Variants in ST8SIA3 observed in about 807,000 individuals in gnomAD.
ST8SIA3 encodes alpha-N-acetylneuraminate alpha-2,8-sialyltransferase ST8SIA3.
Under a neutral mutation model 34.5 loss-of-function variants are expected in ST8SIA3, and 17 were observed. The ratio of observed to expected loss-of-function variants is 0.49; its 90% CI spans 0.34 to 0.74. ST8SIA3 has a LOEUF of 0.74. ST8SIA3 is among the 30% of genes least tolerant of loss of function. The pLI is 0.01. For missense variants in ST8SIA3, 354 were observed against 467.8 expected (o/e 0.76, Z 2.24); for synonymous variants, 172 against 176.1 (o/e 0.98, Z 0.19).
chr18:57,353,042 G>A lies in ST8SIA3; in HGVS notation c.179+17G>A. ...GGGATTCCGGTGAGTGCGGGCCTCT[G>A]TGTTAGTGCCCTCGGGAATTTGGTT... is the stretch of plus-strand genomic sequence containing the variant. On this transcript the variant is annotated intron_variant, in intron 1 of 3. Transcript: ENST00000324000. The A allele has an allele frequency of 6.3e-7, 1 of 1,599,382 alleles. No individual in the cohort carries two copies. The highest frequency in any genetic ancestry group is 8.5e-7 in the Non-Finnish European group (1 of 1,176,572).
chr18:57,353,283 T>C (rs1361001471), intron 1 of ST8SIA3, among the ~76,000 whole-genome samples: 1 of 152,072 alleles, frequency 6.6e-6, no homozygotes, highest in East Asian at 1.9e-4. Context: ...CCTTCCCTCA[T>C]TTCAGAAATG....
chr18:57,360,632 T>C lies in ST8SIA3; in HGVS notation c.*355T>C. ...TGCAGCTCTGCTCAGATAGTCCTCA[T>C]AATCAGAGGCCTCTGGCCAACTGGG... On this transcript the variant is annotated 3_prime_UTR_variant, in exon 4 of 4. Coordinates refer to ENST00000324000, the MANE Select transcript of ST8SIA3 (RefSeq NM_015879.3). 2 of 193,452 alleles carry C rather than the reference T, an allele frequency of 1.0e-5. No homozygotes were observed. Among genetic ancestry groups the C allele is most frequent in the Non-Finnish European group, 2.1e-5 (2 of 93,690 alleles). The allele number at this position is 193,452 out of a possible 1,614,324, so 12.0% of individuals were successfully genotyped here.
chr18:57,354,345 C>G, intron 1 of ST8SIA3, 57 bp from the exon 2 acceptor site: 4 of 1,606,894 alleles, frequency 2.5e-6, no homozygotes, highest in Non-Finnish European at 3.4e-6. Context: ...TTAATGGCTA[C>G]CTCGGCTTCC....
At position 57,360,056 on chromosome 18, in the gene ST8SIA3, C is replaced by T. The variant is rs755659865; in HGVS notation, c.922C>T (p.Leu308Phe). 10 of 1,614,126 alleles carry T rather than the reference C, an allele frequency of 6.2e-6. No homozygotes were observed. The highest frequency in any genetic ancestry group is 3.3e-5 in the Admixed American group (2 of 59,996). ...RLSTGILMYTLASAICEEIHL... is the reference protein window; with the variant it reads ...RLSTGILMYTFASAICEEIHL... Reference sequence around the variant, plus strand: ...GAGCACAGGTATTCTTATGTACACCCTTGCATCAGCAATATGTGAAGAGAT... The same window carrying T: ...GAGCACAGGTATTCTTATGTACACCTTTGCATCAGCAATATGTGAAGAGAT... The change falls in exon 4 of 4, where the codon CTT becomes TTT. Residue 308 changes from leucine (L) to phenylalanine (F), a missense_variant. Leu to Phe is a conservative substitution (Grantham distance 22). Around this residue, in one of 3 missense-constraint regions of ST8SIA3, gnomAD observed 166 missense variants for 245.2 expected, o/e 0.68. Coordinates refer to ENST00000324000, the MANE Select transcript of ST8SIA3 (RefSeq NM_015879.3).
Position 57,360,432 on chromosome 18 carries a change from G to A in ST8SIA3, c.*155G>A. 1 of 768,722 alleles carries A rather than the reference G, an allele frequency of 1.3e-6. No homozygotes were observed. Among genetic ancestry groups the A allele is most frequent in the Non-Finnish European group, 2.0e-6 (1 of 492,718 alleles). 47.6% of individuals were successfully genotyped at this position (768,722 alleles called of 1,614,324 possible). On this transcript the variant is annotated 3_prime_UTR_variant, in exon 4 of 4. Coordinates refer to ENST00000324000, the MANE Select transcript of ST8SIA3 (RefSeq NM_015879.3). The stretch of plus-strand genomic sequence containing the variant: ...TCTCTTTTGCACTGCTCTTTTAAGA[G>A]TTTTAGCAGATTTAGCAGGACAGAT...
At position 57,357,237 on chromosome 18, in the gene ST8SIA3, C is replaced by T; in HGVS notation, c.627C>T (p.Thr209=). ...TTGGAAGAAAAACCAATCTTACCAC[C>T]TTCAACCCCAGCATCCTGGAAAAAT... ...RDVGRKTNLT[T]FNPSILEKYY... Residue 209 remains threonine (T), a synonymous_variant, in exon 3 of 4, where the codon ACC becomes ACT. Transcript: ENST00000324000. 2 of 1,614,170 alleles carry T rather than the reference C, an allele frequency of 1.2e-6. No homozygotes were observed. The highest frequency in any genetic ancestry group is 2.2e-5 in the South Asian group (2 of 91,080).
chr18:57,353,146 G>A (rs2049775061), intron 1 of ST8SIA3, 121 bp downstream of exon 1: 6 of 954,848 alleles, frequency 6.3e-6, no homozygotes, highest in South Asian at 3.2e-5. Context: ...AGATAACTGC[G>A]CGGTCCTTCC....
chr18:57,354,378 G>T, intron 1 of ST8SIA3, 24 bp from the exon 2 acceptor site: 2 of 1,613,706 alleles, frequency 1.2e-6, no homozygotes, highest in Non-Finnish European at 1.7e-6. Context: ...CAGCACGCTT[G>T]TCTGTGCTCA....
intron 1 of ST8SIA3, 120 bp from the exon 2 acceptor site, chr18:57,354,282 G>T: frequency 7.8e-7 from 1 of 1,278,950 alleles, no homozygotes. Context: ...GGGGCTCCGG[G>T]ACGGAACGGA....
At chr18:57,359,870 A>T (rs192988351) in intron 3 of ST8SIA3, 125 bp from the exon 4 acceptor site, 38 of 823,306 alleles carry the variant, frequency 4.6e-5, no homozygotes, top group Non-Finnish European at 9.3e-6. Context: ...CCTAAAATAT[A>T]ATTTCAAAAC....
Position 57,359,987 on chromosome 18 carries a change from T to C in ST8SIA3, c.861-8T>C. 6.2e-7 allele frequency: 1 copy of C among 1,609,200 alleles called. No individual in the cohort carries two copies. Among genetic ancestry groups the C allele is most frequent in the Non-Finnish European group, 8.5e-7 (1 of 1,175,938 alleles). On this transcript the variant is annotated splice_region_variant and splice_polypyrimidine_tract_variant and intron_variant, in intron 3 of 3. Coordinates refer to ENST00000324000, the MANE Select transcript of ST8SIA3 (RefSeq NM_015879.3). Reference sequence around the variant, plus strand: ...CCTCTGAATCCAAATGTACTTATTGTTCCACAGGTACTGGAAAAACAAACA... The same window carrying C: ...CCTCTGAATCCAAATGTACTTATTGCTCCACAGGTACTGGAAAAACAAACA...
In ST8SIA3 at chr18:57,364,109, A is replaced by G. The variant is rs913907365; in HGVS notation, c.*3832A>G. On this transcript the variant is annotated 3_prime_UTR_variant, in exon 4 of 4. Transcript: ENST00000324000. The stretch of plus-strand genomic sequence containing the variant: ...TGTGTGGGTATGCAACTGTCCACCA[A>G]TTATCACCTACCTTCTCCCTGAGAT... 1 of 152,202 alleles carries G rather than the reference A, an allele frequency of 6.6e-6. No individual in the cohort carries two copies. The highest frequency in any genetic ancestry group is 2.4e-5 in the African/African-American group (1 of 41,464). 9.4% of individuals were successfully genotyped at this position (152,202 alleles called of 1,614,324 possible). A position where few individuals can be genotyped will look rare whatever the true frequency, so the allele number is the denominator to read the frequency against.
At chr18:57,354,301 G>A in intron 1 of ST8SIA3, 101 bp from the exon 2 acceptor site, 1 of 1,484,102 alleles carries the variant, frequency 6.7e-7, no homozygotes, top group Admixed American at 1.8e-5. Flanking sequence ...GAGCCCGCAC[G>A]CGTACCAGCC....
Position 57,352,732 on chromosome 18 carries a change from T to TCTCACA in ST8SIA3, c.-114_-113insTCACAC. The TCTCACA allele has an allele frequency of 2.6e-6, 1 of 388,644 alleles. No homozygotes were observed. The highest frequency in any genetic ancestry group is 5.0e-6 in the Non-Finnish European group (1 of 201,760). The allele number at this position is 388,644 out of a possible 1,614,324, so 24.1% of individuals were successfully genotyped here. ...CCTCCTCCGCCACACGCGCGCGCGC[T>TCTCACA]CACACACACACACACACACACACAC... On this transcript the variant is annotated 5_prime_UTR_variant, in exon 1 of 4. Coordinates refer to ENST00000324000, the MANE Select transcript of ST8SIA3 (RefSeq NM_015879.3).
At chr18:57,358,018 TAGAC>T (rs754573266) in intron 3 of ST8SIA3, among the ~76,000 whole-genome samples, 1 of 152,246 alleles carries the variant, frequency 6.6e-6, no homozygotes. Flanking sequence ...TGGGATTTGA[TAGAC>T]AGATTAGCCA....
chr18:57,360,321 C>T lies in ST8SIA3; in HGVS notation c.*44C>T. The T allele has an allele frequency of 6.4e-7, 1 of 1,573,878 alleles. No individual in the cohort carries two copies. The highest frequency in any genetic ancestry group is 8.7e-7 in the Non-Finnish European group (1 of 1,155,166). ...GCCAAATGGCTGTTTAAAAAGTGCC[C>T]CAAATCAAATTGAATAGCCTTCAGA... On this transcript the variant is annotated 3_prime_UTR_variant, in exon 4 of 4. Transcript: ENST00000324000.
Position 57,360,092 on chromosome 18 carries a change from G to T in ST8SIA3, c.958G>T (p.Gly320Ter). Residue 320 changes from glycine (G) to a stop codon, truncating the protein, a stop_gained, in exon 4 of 4, where the codon GGA becomes TGA. Transcript: ENST00000324000. LOFTEE classifies it high-confidence loss of function. ...AATATGTGAAGAGATCCACTTGTAT[G>T]GATTTTGGCCGTTTGGATTTGACCC... The part of the protein sequence containing the change: ...SAICEEIHLY[G>*]FWPFGFDPNT... The T allele has an allele frequency of 6.2e-7, 1 of 1,614,138 alleles. No homozygotes were observed. The highest frequency in any genetic ancestry group is 8.5e-7 in the Non-Finnish European group (1 of 1,180,008).
Position 57,352,929 on chromosome 18 carries a change from T to C in ST8SIA3, c.83T>C (p.Ile28Thr), listed in dbSNP as rs1359615916. The C allele has an allele frequency of 6.2e-7, 1 of 1,613,576 alleles. No homozygotes were observed. The highest frequency in any genetic ancestry group is 8.5e-7 in the Non-Finnish European group (1 of 1,179,912). ...GTCGCCCTGCTGATTTTATCGCTCA[T>C]CAGCTACGTGTCCCTGAAAAAGGAG... ...LSVALLILSLISYVSLKKENI... is the reference protein window; with the variant it reads ...LSVALLILSLTSYVSLKKENI... Residue 28 changes from isoleucine (I) to threonine (T), a missense_variant, in exon 1 of 4, where the codon ATC becomes ACC. By Grantham distance (89) the Ile-to-Thr change is moderately conservative. Around this residue, in one of 3 missense-constraint regions of ST8SIA3, gnomAD observed 184 missense variants for 205.4 expected, o/e 0.90. Transcript: ENST00000324000.
At chr18:57,357,974 G>A (rs888850299) in intron 3 of ST8SIA3, among the ~76,000 whole-genome samples, 5 of 152,186 alleles carry the variant, frequency 3.3e-5, no homozygotes, top group African/African-American at 1.2e-4. Context: ...GCAAAAACAT[G>A]AAGAAAGTAT....
Sources: gnomAD v4.1 joint callset for allele counts (sites outside exome capture counted in the v4.1 genomes callset) on GRCh38, gnomAD v4.1.1 for gene constraint, gnomAD v4.1.1 regional missense constraint, MANE v1.5 for transcripts, NCBI Gene and HGNC (gene_info 2026-07-23, HGNC 2026-07-21) for gene names.